The following KIF6 variants were observed in gnomAD, a reference collection of about 807,000 sequenced individuals.
KIF6 encodes the protein kinesin family member 6.
KIF6 carries 106 observed loss-of-function variants against 112.7 expected under a neutral mutation model. The observed-to-expected ratio is 0.94, with a 90% CI of 0.80 to 1.11. The LOEUF (loss-of-function observed/expected upper bound fraction) is 1.11, where lower values mean the gene tolerates loss of function less well. Among genes scored for constraint, KIF6 ranks in the 50% least tolerant of loss-of-function variants. The pLI is 0.00. For synonymous variants in KIF6, 339 were observed against 339.9 expected (o/e 1.00, Z 0.03); for missense variants, 929 against 964.0 (o/e 0.96, Z 0.48).
At chr6:39,523,293 A>G (rs1448290295) in intron 13 of KIF6, among the ~76,000 whole-genome samples, 1 of 152,016 alleles carries the variant, frequency 6.6e-6, no homozygotes, top group East Asian at 1.9e-4. Context: ...CGTCCTGTCT[A>G]CCTTCCCTCC....
At chr6:39,639,813 T>C (rs935097690) in intron 3 of KIF6, 56 bp from the exon 4 acceptor site, 9 of 1,469,644 alleles carry the variant, frequency 6.1e-6, no homozygotes, top group Non-Finnish European at 7.5e-6. Context: ...GCATATGAAT[T>C]AAATGGCTTG....
chr6:39,601,674 T>C (rs1376806863), intron 6 of KIF6, among the ~76,000 whole-genome samples: 2 of 151,364 alleles, frequency 1.3e-5, no homozygotes, highest in Non-Finnish European at 2.9e-5. Context: ...CTATACCGGA[T>C]TTGCTCCAGC....
chr6:39,382,265 G>A (rs1250098091), intron 16 of KIF6, among the ~76,000 whole-genome samples: 2 of 152,248 alleles, frequency 1.3e-5, no homozygotes, highest in African/African-American at 4.8e-5. Flanking sequence ...ATCTCGTCAC[G>A]AAGGTAGTGA....
chr6:39,390,552 G>C (rs1767796222), intron 15 of KIF6, among the ~76,000 whole-genome samples: 1 of 152,162 alleles, frequency 6.6e-6, no homozygotes, highest in Non-Finnish European at 1.5e-5. Flanking sequence ...AGGGAAGGTT[G>C]AGTGGAGGAC....
intron 5 of KIF6, among the ~76,000 whole-genome samples, chr6:39,625,035 G>GCT (rs1167353045): frequency 7.6e-6 from 1 of 131,602 alleles, no homozygotes; most frequent in African/African-American, 2.9e-5. Context: ...TATAAGAAGA[G>GCT]CTCTCTCTCT....
intron 15 of KIF6, among the ~76,000 whole-genome samples, chr6:39,392,411 A>G (rs1479467741): frequency 1.3e-5 from 2 of 152,210 alleles, no homozygotes; most frequent in Non-Finnish European, 2.9e-5. Context: ...GCAGATTTGC[A>G]TAATTAATTT....
intron 3 of KIF6, among the ~76,000 whole-genome samples, chr6:39,709,671 G>T (rs1789426721): frequency 6.6e-6 from 1 of 152,190 alleles, no homozygotes; most frequent in Non-Finnish European, 1.5e-5. Flanking sequence ...ACAGAAATGT[G>T]ATTAGTTTTA....
chr6:39,456,289 G>T (rs1480317950), intron 13 of KIF6, among the ~76,000 whole-genome samples: 1 of 115,870 alleles, frequency 8.6e-6, no homozygotes, highest in African/African-American at 3.4e-5. Flanking sequence ...AAGTGAAGGA[G>T]AAATAAAATA....
intron 13 of KIF6, among the ~76,000 whole-genome samples, chr6:39,511,976 G>A (rs1179448220): frequency 6.6e-6 from 1 of 152,174 alleles, no homozygotes; most frequent in African/African-American, 2.4e-5. Context: ...GATAGCATTA[G>A]GAGAAATACC....
chr6:39,586,109 A>G, intron 8 of KIF6, 152 bp downstream of exon 8: 1 of 682,518 alleles, frequency 1.5e-6, no homozygotes, highest in Non-Finnish European at 2.5e-6. Flanking sequence ...CAGCTATAAC[A>G]AATAGCCCAC....
At chr6:39,659,895 C>T (rs2446643) in intron 3 of KIF6, among the ~76,000 whole-genome samples, 69,423 of 152,078 alleles carry the variant, frequency 0.46, 19,033 homozygotes, top group African/African-American at 0.76. Flanking sequence ...TAAAATTTCA[C>T]TTTGAATGAT....
intron 16 of KIF6, among the ~76,000 whole-genome samples, chr6:39,363,093 G>A (rs751372885): frequency 6.6e-6 from 1 of 152,200 alleles, no homozygotes; most frequent in African/African-American, 2.4e-5. Flanking sequence ...AGGTTGCAGT[G>A]AGCCGAGATC....
intron 16 of KIF6, among the ~76,000 whole-genome samples, chr6:39,384,610 T>C (rs1047816396): frequency 6.6e-6 from 1 of 152,156 alleles, no homozygotes; most frequent in Non-Finnish European, 1.5e-5. Context: ...AACAACCAAC[T>C]TTCCTAATAA....
intron 3 of KIF6, among the ~76,000 whole-genome samples, chr6:39,677,396 A>C (rs565764455): frequency 6.6e-6 from 1 of 152,274 alleles, no homozygotes; most frequent in East Asian, 1.9e-4. Context: ...ACAGAAAAAA[A>C]ATTCACATGG....
intron 6 of KIF6, among the ~76,000 whole-genome samples, chr6:39,609,715 G>A (rs1783107911): frequency 6.6e-6 from 1 of 152,182 alleles, no homozygotes; most frequent in Non-Finnish European, 1.5e-5. Context: ...TTCAAATGTT[G>A]TGGTGTTGAC....
chr6:39,491,758 T>A (rs1775494935), intron 13 of KIF6, among the ~76,000 whole-genome samples: 1 of 152,124 alleles, frequency 6.6e-6, no homozygotes, highest in Non-Finnish European at 1.5e-5. Flanking sequence ...CTACTTGAGC[T>A]GGAGGGAAGG....
intron 3 of KIF6, among the ~76,000 whole-genome samples, chr6:39,657,274 T>C (rs1221310332): frequency 1.3e-5 from 2 of 152,036 alleles, no homozygotes; most frequent in African/African-American, 4.8e-5. Context: ...GTTTTATTCT[T>C]CTTGCAGAGA....
chr6:39,385,493 G>T, intron 16 of KIF6, 129 bp downstream of exon 16: 1 of 745,158 alleles, frequency 1.3e-6, no homozygotes, highest in Non-Finnish European at 2.4e-6. Context: ...TGTGTGGATA[G>T]CAACCCTTGC....
intron 3 of KIF6, among the ~76,000 whole-genome samples, chr6:39,688,340 A>G (rs772333868): frequency 1.3e-5 from 2 of 152,124 alleles, no homozygotes; most frequent in Non-Finnish European, 2.9e-5. Context: ...TGGCAGGGCA[A>G]ATGAAGAGAT....
Sources: allele counts gnomAD v4.1 joint callset (sites outside exome capture counted in the v4.1 genomes callset), GRCh38; gene constraint gnomAD v4.1.1; transcripts MANE v1.5; gene names NCBI Gene and HGNC (gene_info 2026-07-23, HGNC 2026-07-21).